The following ZBED6 variants were observed in gnomAD, a reference collection of about 807,000 sequenced individuals.
ZBED6 encodes zinc finger BED domain-containing protein 6.
A neutral mutation model predicts 58.4 loss-of-function variants in ZBED6; 40 were observed. The observed-to-expected ratio is 0.68, with a 90% CI of 0.53 to 0.89. The LOEUF is 0.89. Among genes scored for constraint, ZBED6 ranks in the 40% least tolerant of loss-of-function variants. ZBED6 has a pLI of 0.00. For missense variants in ZBED6, 1,057 were observed against 1,003.9 expected (o/e 1.05, Z -0.71); for synonymous variants, 439 against 350.6 (o/e 1.25, Z -2.82).
At chr1:203,802,773 T>C (rs1175058837) in exon 1 of ZBED6, 1 of 152,118 alleles carries the variant, frequency 6.6e-6, no homozygotes, top group Non-Finnish European at 1.5e-5. Context: ...TAACTAACCC[T>C]AGCTGTCTCC....
intron 3 of ZBED6, among the ~76,000 whole-genome samples, chr1:203,823,339 A>C (rs1170154256): frequency 6.6e-6 from 1 of 152,218 alleles, no homozygotes; most frequent in Non-Finnish European, 1.5e-5. Flanking sequence ...CTCTTTTCCT[A>C]GTCATGAAAA....
chr1:203,798,106 G>C lies in ZBED6; in HGVS notation c.584G>C (p.Gly195Ala), dbSNP rs1234598971. 3.3e-6 allele frequency: 5 copies of C among 1,536,034 alleles called. No homozygotes were observed. The highest frequency in any genetic ancestry group is 4.4e-6 in the Non-Finnish European group (5 of 1,146,922). Residue 195 changes from glycine (G) to alanine (A), a missense_variant, in exon 1 of 17, where the codon GGA (glycine) becomes GCA (alanine). Transcript: ENST00000550078. ...GCCAACAAGTTTGGAGTTGCTAGTG[G>C]AGAGGAGGACTTTACCTTGGATGTG...
chr1:203,847,538 T>C (rs1241478527), exon 12 of ZBED6: 1 of 1,613,928 alleles, frequency 6.2e-7, no homozygotes, highest in Non-Finnish European at 8.5e-7. Context: ...ACAAAGTCTA[T>C]GCAGGAGGTG....
rs868376615 is a variant in ZBED6, at chr1:203,797,430, A to T, written c.-93A>T. On this transcript the variant is annotated 5_prime_UTR_variant, in exon 1 of 17. Transcript: ENST00000550078. ...TTGATTCCCCATAGAAACTGGAGAAAAGGTAATGCAAGTAGAGAGGAACAG... is the reference window on the plus strand; with the variant it reads ...TTGATTCCCCATAGAAACTGGAGAATAGGTAATGCAAGTAGAGAGGAACAG... 6 of 1,213,750 alleles carry T rather than the reference A, an allele frequency of 4.9e-6. No individual in the cohort carries two copies. The Middle Eastern group carries it at 1.4e-3, about 282-fold the overall frequency. The allele number at this position is 1,213,750 out of a possible 1,614,324, so 75.2% of individuals were successfully genotyped here.
chr1:203,808,343 C>G (rs984017952), intron 1 of ZBED6, among the ~76,000 whole-genome samples: 1 of 152,096 alleles, frequency 6.6e-6, no homozygotes, highest in Non-Finnish European at 1.5e-5. Flanking sequence ...TGTTGTCAAT[C>G]TGATTTTTCC....
chr1:203,846,005 G>A (rs1687788185), intron 11 of ZBED6, among the ~76,000 whole-genome samples: 1 of 151,456 alleles, frequency 6.6e-6, no homozygotes, highest in South Asian at 2.1e-4. Flanking sequence ...GACTGGGTAT[G>A]GTGGCTCACA....
At position 203,850,193 on chromosome 1, in the gene ZBED6, G is replaced by T. The variant is rs1688934214; in HGVS notation, c.*4638+167G>T. On this transcript the variant is annotated intron_variant, in intron 14 of 16. Transcript: ENST00000550078. ...TTTTTATACAGAGGCAAAACGAGATGAATTCTTTTCTCAGAATTTAAAATT... is the reference window on the plus strand; with the variant it reads ...TTTTTATACAGAGGCAAAACGAGATTAATTCTTTTCTCAGAATTTAAAATT... The T allele has an allele frequency of 4.3e-6, 3 of 694,660 alleles. No homozygotes were observed. In the South Asian group the frequency reaches 5.9e-5, roughly 14 times the overall value. 43.0% of individuals were successfully genotyped at this position (694,660 alleles called of 1,614,324 possible).
chr1:203,806,788 A>C (rs945923864), intron 1 of ZBED6, among the ~76,000 whole-genome samples: 3 of 141,352 alleles, frequency 2.1e-5, no homozygotes, highest in Non-Finnish European at 4.6e-5. Context: ...GTACCTTACA[A>C]TTTACCAAGT....
chr1:203,829,799 T>A, exon 6 of ZBED6: 4 of 1,614,046 alleles, frequency 2.5e-6, no homozygotes, highest in Non-Finnish European at 3.4e-6. Context: ...CTGAGGAAGG[T>A]GATGAAACCA....
At chr1:203,812,651 G>A (rs1034789652) in intron 1 of ZBED6, among the ~76,000 whole-genome samples, 2 of 137,176 alleles carry the variant, frequency 1.5e-5, no homozygotes, top group African/African-American at 2.8e-5. Flanking sequence ...GCATGATCTC[G>A]GCTCACTGCA....
Position 203,850,505 on chromosome 1 carries a change from C to T in ZBED6, c.*4639-10C>T. 2 of 1,613,910 alleles carry T rather than the reference C, an allele frequency of 1.2e-6. No homozygotes were observed. The highest frequency in any genetic ancestry group is 1.7e-6 in the Non-Finnish European group (2 of 1,179,832). On this transcript the variant is annotated splice_polypyrimidine_tract_variant and intron_variant, in intron 14 of 16. Transcript: ENST00000550078. The stretch of plus-strand genomic sequence containing the variant: ...CTCACTGCTTATCAGATATTTTCTG[C>T]CCTTTGTAGCTAAACCCAAAGTGAA...
intron 7 of ZBED6, 117 bp from the exon 8 acceptor site, chr1:203,831,544 T>G: frequency 1.3e-6 from 1 of 780,262 alleles, no homozygotes. Flanking sequence ...GCTGATTGGC[T>G]TATAGTCATA....
At chr1:203,820,769 GC>G (rs1203309581) in intron 3 of ZBED6, among the ~76,000 whole-genome samples, 1 of 151,940 alleles carries the variant, frequency 6.6e-6, no homozygotes, top group Non-Finnish European at 1.5e-5. Context: ...TGTGAGCCAC[GC>G]CCGGCGAATG....
chr1:203,821,386 T>C (rs941232554), intron 3 of ZBED6, among the ~76,000 whole-genome samples: 1 of 152,056 alleles, frequency 6.6e-6, no homozygotes, highest in African/African-American at 2.4e-5. Context: ...ATACATGTGG[T>C]TTTCTATTTT....
At chr1:203,819,135 T>C (rs959414505) in intron 3 of ZBED6, among the ~76,000 whole-genome samples, 4 of 146,700 alleles carry the variant, frequency 2.7e-5, no homozygotes, top group Non-Finnish European at 5.9e-5. Context: ...TATATACATA[T>C]GTATATGTGT....
At chr1:203,800,323 A>G (rs775547940) in exon 1 of ZBED6, 3 of 883,736 alleles carry the variant, frequency 3.4e-6, no homozygotes, top group Non-Finnish European at 5.4e-6. Context: ...ATGAGCCTGG[A>G]CTTTGACAAT....
intron 1 of ZBED6, among the ~76,000 whole-genome samples, chr1:203,812,605 G>A (rs1471648181): frequency 1.7e-5 from 2 of 114,644 alleles, no homozygotes; most frequent in Non-Finnish European, 3.5e-5. Context: ...TTTTTGAGAC[G>A]GAGTCTCACT....
chr1:203,799,209 T>C, exon 1 of ZBED6: 1 of 1,011,988 alleles, frequency 9.9e-7, no homozygotes, highest in Non-Finnish European at 1.5e-6. Context: ...CTTCATTGTT[T>C]CTGACAATTC....
chr1:203,834,730 A>G (rs1451591862), intron 9 of ZBED6, among the ~76,000 whole-genome samples: 1 of 151,956 alleles, frequency 6.6e-6, no homozygotes. Flanking sequence ...GCTCACTGCA[A>G]CCTCCACCTC....
Sources: allele counts gnomAD v4.1 joint callset (sites outside exome capture counted in the v4.1 genomes callset), GRCh38; gene constraint gnomAD v4.1.1; transcripts MANE v1.5; gene names NCBI Gene and HGNC (gene_info 2026-07-23, HGNC 2026-07-21).